Variants in XDH observed in about 807,000 individuals in gnomAD.
XDH encodes xanthine dehydrogenase, also known as xanthine dehydrogenase/oxidase.
Under a neutral mutation model 156.1 loss-of-function variants are expected in XDH, and 138 were observed. That is an observed-to-expected ratio of 0.88 (90% CI 0.77 to 1.02). The LOEUF is 1.02. XDH is among the 50% of genes least tolerant of loss of function. The pLI, the probability that XDH is intolerant of heterozygous loss-of-function variation, is 0.00. For missense variants in XDH, 1,849 were observed against 1,684.9 expected, an observed-to-expected ratio of 1.10 and a Z score of -1.71; for synonymous variants, 669 against 625.7, an observed-to-expected ratio of 1.07 and a Z score of -1.03.
rs1003816260 is a variant in XDH at position 31,386,487 on chromosome 2, T to C, written c.720A>G (p.Ser240=). 3 of 1,614,166 alleles carry C rather than the reference T, an allele frequency of 1.9e-6. No individual in the cohort carries two copies. Among genetic ancestry groups the C allele is most frequent in the Admixed American group, 3.3e-5 (2 of 60,022 alleles). Residue 240 remains serine (S), a synonymous_variant, in exon 9 of 36, where the codon TCA becomes TCG. Transcript: ENST00000379416. ...EGERVTWIQA[S]TLKELLDLKA... Reference sequence around the variant, plus strand: ...TGAGGTCCAGCAGCTCCTTGAGGGTTGAGGCCTGTATCCACGTCACACGCT... The same window carrying C: ...TGAGGTCCAGCAGCTCCTTGAGGGTCGAGGCCTGTATCCACGTCACACGCT...
chr2:31,361,727 C>T (rs1407513199), intron 24 of XDH, among the ~76,000 whole-genome samples: 1 of 152,132 alleles, frequency 6.6e-6, no homozygotes, highest in African/African-American at 2.4e-5. Flanking sequence ...AATAAAAAGA[C>T]AATCAGCAAT....
At chr2:31,349,582 C>T (rs1371102497) in intron 26 of XDH, 104 bp downstream of exon 26, 2 of 1,526,186 alleles carry the variant, frequency 1.3e-6, no homozygotes, top group Non-Finnish European at 1.8e-6. Context: ...TCAGCAGTCT[C>T]ATAAGTTATC....
At chr2:31,356,538 G>A (rs981671772) in intron 24 of XDH, among the ~76,000 whole-genome samples, 2 of 152,162 alleles carry the variant, frequency 1.3e-5, no homozygotes, top group Non-Finnish European at 2.9e-5. Context: ...ACAGAGATTG[G>A]ACTGATGCAA....
intron 34 of XDH, among the ~76,000 whole-genome samples, 200 bp from the exon 35 acceptor site, chr2:31,338,017 A>T (rs536048298): frequency 1.3e-5 from 2 of 152,244 alleles, no homozygotes; most frequent in Admixed American, 1.3e-4. Flanking sequence ...TCAAGCTAGT[A>T]CATGACTGGA....
chr2:31,361,572 C>T (rs566088374), intron 24 of XDH, among the ~76,000 whole-genome samples: 1 of 152,226 alleles, frequency 6.6e-6, no homozygotes, highest in African/African-American at 2.4e-5. Flanking sequence ...AAATCTAAAA[C>T]CTCTCTATCC....
intron 12 of XDH, among the ~76,000 whole-genome samples, chr2:31,380,366 G>C (rs766521140): frequency 1.3e-5 from 2 of 152,214 alleles, no homozygotes; most frequent in Non-Finnish European, 2.9e-5. Flanking sequence ...TGGCCCTTGG[G>C]AACTTGTACT....
chr2:31,402,260 G>A (rs971503909), intron 3 of XDH, among the ~76,000 whole-genome samples: 4 of 152,190 alleles, frequency 2.6e-5, no homozygotes, highest in Non-Finnish European at 4.4e-5. Flanking sequence ...TAAGGCAATT[G>A]TATAATTGTA....
chr2:31,392,315 T>C lies in XDH; in HGVS notation c.496-4020A>G, dbSNP rs1011574634. Among the ~76,000 whole-genome samples the C allele has an allele frequency of 3.3e-5, 5 of 152,104 alleles. No individual in the cohort carries two copies. In the East Asian group the frequency reaches 7.7e-4, roughly 23 times the overall value. On this transcript the variant is annotated intron_variant, in intron 6 of 35. Transcript: ENST00000379416. ...CAATGAAATTGATTTTTGCTCCAAA[T>C]TTTATTTTTCTTCAGCTTACTTTGA...
At chr2:31,386,193 C>T (rs2148784503) in intron 9 of XDH, among the ~76,000 whole-genome samples, 1 of 152,316 alleles carries the variant, frequency 6.6e-6, no homozygotes, top group South Asian at 2.1e-4. Context: ...TGAGGTCACA[C>T]ATCCAGCAAG....
chr2:31,362,295 AG>A (rs1449334939), intron 24 of XDH, among the ~76,000 whole-genome samples: 1 of 152,192 alleles, frequency 6.6e-6, no homozygotes, highest in East Asian at 1.9e-4. Context: ...GGATCCAAAA[AG>A]GGGAGGCTCT....
intron 11 of XDH, 35 bp from the exon 12 acceptor site, chr2:31,381,761 C>G: frequency 6.4e-7 from 1 of 1,573,998 alleles, no homozygotes; most frequent in South Asian, 1.1e-5. Flanking sequence ...TGAGAGCCCA[C>G]CCCAGGAAAC....
At chr2:31,348,138 TA>T in intron 28 of XDH, 129 bp downstream of exon 28, 1 of 916,354 alleles carries the variant, frequency 1.1e-6, no homozygotes, top group South Asian at 1.4e-5. Context: ...TGCCCGAGGC[TA>T]CACGGACATA....
At chr2:31,387,776 G>C (rs1423129030) in intron 8 of XDH, 35 bp downstream of exon 8, 1 of 1,549,998 alleles carries the variant, frequency 6.5e-7, no homozygotes, top group Non-Finnish European at 8.8e-7. Flanking sequence ...TCACAGTACA[G>C]ACCCGGCTGG....
At chr2:31,363,448 A>C (rs928797710) in intron 24 of XDH, among the ~76,000 whole-genome samples, 1 of 152,236 alleles carries the variant, frequency 6.6e-6, no homozygotes, top group Non-Finnish European at 1.5e-5. Context: ...ATTAATGATG[A>C]CCTGGGCCTA....
intron 9 of XDH, 46 bp downstream of exon 9, chr2:31,386,368 C>A (rs368820505): frequency 2.5e-6 from 4 of 1,605,136 alleles, no homozygotes; most frequent in African/African-American, 2.7e-5. Flanking sequence ...CCTAGAAACA[C>A]CCCCAGACCC....
intron 24 of XDH, among the ~76,000 whole-genome samples, chr2:31,362,394 AG>A (rs1273555152): frequency 6.6e-6 from 1 of 152,236 alleles, no homozygotes; most frequent in Non-Finnish European, 1.5e-5. Flanking sequence ...TACTTGTGAG[AG>A]GAGCTCCTAC....
chr2:31,375,338 A>C (rs750686522), intron 15 of XDH, 42 bp downstream of exon 15: 1 of 1,613,626 alleles, frequency 6.2e-7, no homozygotes, highest in South Asian at 1.1e-5. Context: ...TATATCCCCA[A>C]ACATGCTACA....
At chr2:31,366,250 T>A in intron 21 of XDH, 141 bp from the exon 22 acceptor site, 3 of 1,483,840 alleles carry the variant, frequency 2.0e-6, no homozygotes, top group South Asian at 2.3e-5. Context: ...CCATGCAGCT[T>A]TGTGGTTAGT....
chr2:31,398,087 C>T (rs1156735833), intron 5 of XDH, among the ~76,000 whole-genome samples: 5 of 152,150 alleles, frequency 3.3e-5, no homozygotes, highest in Non-Finnish European at 5.9e-5. Context: ...TCTTTTATCC[C>T]TGTGGCATAG....
Sources: allele counts gnomAD v4.1 joint callset (sites outside exome capture counted in the v4.1 genomes callset), GRCh38; gene constraint gnomAD v4.1.1; transcripts MANE v1.5; gene names NCBI Gene and HGNC (gene_info 2026-07-23, HGNC 2026-07-21).